PSMG1: variants seen among roughly 807,000 people sequenced by gnomAD.
The protein encoded by PSMG1 is proteasome assembly chaperone 1, also known as Down syndrome critical region gene 2.
A neutral mutation model predicts 37.2 loss-of-function variants in PSMG1; 23 were observed. That is an observed-to-expected ratio of 0.62 (90% CI 0.44 to 0.88). The LOEUF (loss-of-function observed/expected upper bound fraction) is 0.88, where lower values mean the gene tolerates loss of function less well. Ranked by LOEUF, PSMG1 falls within the 40% of genes least tolerant of loss-of-function variation. PSMG1 has a pLI of 0.00. For synonymous variants in PSMG1, 127 were observed against 128.0 expected (o/e 0.99, Z 0.05); for missense variants, 340 against 344.2 (o/e 0.99, Z 0.10).
At chr21:39,176,644 T>C (rs1006906840) in intron 6 of PSMG1, among the ~76,000 whole-genome samples, 2 of 152,232 alleles carry the variant, frequency 1.3e-5, no homozygotes, top group Admixed American at 1.3e-4. Flanking sequence ...GCCAGGTATG[T>C]GGTAAACTTG....
chr21:39,177,980 T>C (rs2030687438), intron 5 of PSMG1, among the ~76,000 whole-genome samples: 1 of 152,170 alleles, frequency 6.6e-6, no homozygotes, highest in African/African-American at 2.4e-5. Flanking sequence ...ACAGTTCATA[T>C]AATAAATAAC....
At chr21:39,183,178 G>C (rs753102874) in intron 1 of PSMG1, 74 bp downstream of exon 1, 48 of 1,433,254 alleles carry the variant, frequency 3.3e-5, no homozygotes, top group Non-Finnish European at 4.1e-5. Flanking sequence ...CCCGGCCTTA[G>C]GCGCCGTCGC....
Position 39,179,046 on chromosome 21 carries a change from A to C in PSMG1, c.457-399T>G, listed in dbSNP as rs530260067. Among the ~76,000 whole-genome samples, 51 of 152,228 alleles carry C rather than the reference A, an allele frequency of 3.4e-4. 2 individuals carry two copies. The highest frequency in any genetic ancestry group is 1.2e-3 in the African/African-American group (49 of 41,522). On this transcript the variant is annotated intron_variant, in intron 4 of 6. Transcript: ENST00000331573. ...TGACTTCTCACTTCTCGCTCAGTTCATGCTAGAGCTGGTAGTTCAAAAGAG... is the reference window on the plus strand; with the variant it reads ...TGACTTCTCACTTCTCGCTCAGTTCCTGCTAGAGCTGGTAGTTCAAAAGAG...
chr21:39,183,500 G>A (rs1038075597), upstream of PSMG1: 2 of 1,296,834 alleles, frequency 1.5e-6, no homozygotes, highest in Non-Finnish European at 2.0e-6. Flanking sequence ...CACAGGCCAC[G>A]CCCTCCGCGC....
intron 4 of PSMG1, among the ~76,000 whole-genome samples, chr21:39,179,236 C>T (rs2030735794): frequency 6.6e-6 from 1 of 152,156 alleles, no homozygotes; most frequent in South Asian, 2.1e-4. Flanking sequence ...AACCTCTGTT[C>T]TTTATAAATT....
In PSMG1 at chr21:39,175,134, T is replaced by C. The variant is rs1340789441; in HGVS notation, c.*456A>G. ...CATGAATACCATCTGCTGATATCTGTAGCTTTGAAAAATTTAACTAAAGTT... is the reference window on the plus strand; with the variant it reads ...CATGAATACCATCTGCTGATATCTGCAGCTTTGAAAAATTTAACTAAAGTT... On this transcript the variant is annotated 3_prime_UTR_variant, in exon 7 of 7. Coordinates refer to ENST00000331573, the MANE Select transcript of PSMG1 (RefSeq NM_003720.4). 2 of 152,288 alleles carry C rather than the reference T, an allele frequency of 1.3e-5. No homozygotes were observed. The highest frequency in any genetic ancestry group is 2.9e-5 in the Non-Finnish European group (2 of 68,150). 9.4% of individuals were successfully genotyped at this position (152,288 alleles called of 1,614,324 possible). A position where few individuals can be genotyped will look rare whatever the true frequency, so the allele number is the denominator to read the frequency against.
At chr21:39,179,161 A>T (rs1338612991) in intron 4 of PSMG1, among the ~76,000 whole-genome samples, 3 of 152,186 alleles carry the variant, frequency 2.0e-5, no homozygotes, top group Non-Finnish European at 4.4e-5. Flanking sequence ...CTGAGGCCTC[A>T]GCAGAAGCCA....
chr21:39,177,583 C>CA lies in PSMG1; in HGVS notation c.656-13dup. The CA allele has an allele frequency of 6.7e-7, 1 of 1,494,674 alleles. No homozygotes were observed. Among genetic ancestry groups the CA allele is most frequent in the Non-Finnish European group, 8.9e-7 (1 of 1,123,774 alleles). The allele number at this position is 1,494,674 out of a possible 1,614,324, so 92.6% of individuals were successfully genotyped here. ...ACAGTAGCTTAGAACTATGAATACA[C>CA]AAGAAAAAAAAACGATGTAAGTTTT... is the stretch of plus-strand genomic sequence containing the variant. On this transcript the variant is annotated splice_polypyrimidine_tract_variant and intron_variant, in intron 5 of 6. Coordinates refer to ENST00000331573, the MANE Select transcript of PSMG1 (RefSeq NM_003720.4).
chr21:39,175,480 C>A lies in PSMG1; in HGVS notation c.*110G>T. On this transcript the variant is annotated 3_prime_UTR_variant, in exon 7 of 7. Coordinates refer to ENST00000331573, the MANE Select transcript of PSMG1 (RefSeq NM_003720.4). Reference sequence around the variant, plus strand: ...CAATTAATTTTTTACAATTTTATTCCGTTTCATCATTCTCAAAATATATCC... The same window carrying A: ...CAATTAATTTTTTACAATTTTATTCAGTTTCATCATTCTCAAAATATATCC... 2.2e-6 allele frequency: 3 copies of A among 1,374,816 alleles called. No individual in the cohort carries two copies. Among genetic ancestry groups the A allele is most frequent in the Non-Finnish European group, 1.9e-6 (2 of 1,057,108 alleles). The allele number at this position is 1,374,816 out of a possible 1,614,324, so 85.2% of individuals were successfully genotyped here.
chr21:39,181,809 G>A lies in PSMG1; in HGVS notation c.204C>T (p.Cys68=), dbSNP rs2030836722. 1 of 1,593,134 alleles carries A rather than the reference G, an allele frequency of 6.3e-7. No homozygotes were observed. Among genetic ancestry groups the A allele is most frequent in the African/African-American group, 1.4e-5 (1 of 73,810 alleles). The change falls in exon 2 of 7, where the codon TGC becomes TGT. Residue 68 remains cysteine, a synonymous_variant. Coordinates refer to ENST00000331573, the MANE Select transcript of PSMG1 (RefSeq NM_003720.4). ...TTCCTATAGCAATTATAAACTTGGA[G>A]CACGGATATTTTTCTAGCAAAGAAA... is the stretch of plus-strand genomic sequence containing the variant. ...LEVSLLEKYP[C]SKFIIAIGNN...
intron 1 of PSMG1, 167 bp downstream of exon 1, chr21:39,183,085 G>C: frequency 1.2e-6 from 1 of 862,666 alleles, no homozygotes; most frequent in Admixed American, 4.0e-5. Flanking sequence ...GCCGCTGGAC[G>C]CCGCGGCTTC....
chr21:39,175,502 AT>A lies in PSMG1; in HGVS notation c.*87del. ...TTCCGTTTCATCATTCTCAAAATAT[AT>A]CCCCCAAAAGTAATCTACAAAAGAG... On this transcript the variant is annotated 3_prime_UTR_variant, in exon 7 of 7. Transcript: ENST00000331573. 1 of 1,409,788 alleles carries A rather than the reference AT, an allele frequency of 7.1e-7. No individual in the cohort carries two copies. Among genetic ancestry groups the A allele is most frequent in the Non-Finnish European group, 9.3e-7 (1 of 1,075,440 alleles). The allele number at this position is 1,409,788 out of a possible 1,614,324, so 87.3% of individuals were successfully genotyped here.
rs1055397974 is a variant in PSMG1 at position 39,175,343 on chromosome 21, T to C, written c.*247A>G. 4 of 235,386 alleles carry C rather than the reference T, an allele frequency of 1.7e-5. No individual in the cohort carries two copies. Among genetic ancestry groups the C allele is most frequent in the Non-Finnish European group, 2.3e-5 (3 of 129,842 alleles). The allele number at this position is 235,386 out of a possible 1,614,324, so 14.6% of individuals were successfully genotyped here. On this transcript the variant is annotated 3_prime_UTR_variant, in exon 7 of 7. Coordinates refer to ENST00000331573, the MANE Select transcript of PSMG1 (RefSeq NM_003720.4). Reference sequence around the variant, plus strand: ...AATAAATAAGATAAAAATTTAACTATAGTACCTTAAAATATTCAAATACAA... The same window carrying C: ...AATAAATAAGATAAAAATTTAACTACAGTACCTTAAAATATTCAAATACAA...
At chr21:39,178,349 A>G (rs1165240212) in intron 5 of PSMG1, 100 bp downstream of exon 5, 4 of 1,057,014 alleles carry the variant, frequency 3.8e-6, no homozygotes, top group Non-Finnish European at 4.2e-6. Flanking sequence ...ATTGGTATCA[A>G]TCATCATTAA....
Position 39,178,492 on chromosome 21 carries a change from T to C in PSMG1, c.612A>G (p.Pro204=), listed in dbSNP as rs200983810. ...GTACTATATTCGGTTGTTCTAGCAA[T>C]GGACAACACGCCGAGTCTTTGAAAT... The part of the protein sequence containing the change: ...TQNFKDSACC[P]LLEQPNIVHD... Residue 204 remains proline (P), a synonymous_variant, in exon 5 of 7, where the codon CCA becomes CCG. Coordinates refer to ENST00000331573, the MANE Select transcript of PSMG1 (RefSeq NM_003720.4). The C allele has an allele frequency of 1.9e-6, 3 of 1,614,138 alleles. No individual in the cohort carries two copies. Among genetic ancestry groups the C allele is most frequent in the African/African-American group, 2.7e-5 (2 of 75,036 alleles).
At chr21:39,178,791 A>G in intron 4 of PSMG1, 144 bp from the exon 5 acceptor site, 1 of 757,312 alleles carries the variant, frequency 1.3e-6, no homozygotes, top group Non-Finnish European at 2.1e-6. Context: ...AACAGAACAC[A>G]CCTGCTGTCA....
intron 4 of PSMG1, among the ~76,000 whole-genome samples, chr21:39,178,999 G>A (rs2030726496): frequency 6.6e-6 from 1 of 152,066 alleles, no homozygotes; most frequent in African/African-American, 2.4e-5. Flanking sequence ...GAATGGCCTA[G>A]CACCACCCTG....
Position 39,179,926 on chromosome 21 carries a change from T to C in PSMG1, c.454A>G (p.Lys152Glu), listed in dbSNP as rs772032936. 6.2e-7 allele frequency: 1 copy of C among 1,612,748 alleles called. No individual in the cohort carries two copies. Among genetic ancestry groups the C allele is most frequent in the Non-Finnish European group, 8.5e-7 (1 of 1,179,862 alleles). ...ACAGGTTTTCATTTCTCTCTTACCT[T>C]TTCCAGCCACTGATACTGTTGATCT... ...AEDQQYQWLE[K>E]VFGSCPRKNM... The change falls in exon 4 of 7, where the codon AAG (lysine) becomes GAG (glutamate). Residue 152 changes from lysine to glutamate, a missense_variant and splice_region_variant. Transcript: ENST00000331573.
chr21:39,176,434 G>A (rs1489762208), intron 6 of PSMG1, among the ~76,000 whole-genome samples: 2 of 152,228 alleles, frequency 1.3e-5, no homozygotes, highest in Non-Finnish European at 2.9e-5. Flanking sequence ...TGAGTTAAGT[G>A]GGATGAGGCA....
Sources: gnomAD v4.1 joint callset for allele counts (sites outside exome capture counted in the v4.1 genomes callset) on GRCh38, gnomAD v4.1.1 for gene constraint, MANE v1.5 for transcripts, NCBI Gene and HGNC (gene_info 2026-07-23, HGNC 2026-07-21) for gene names.